UGGT1: variants seen among roughly 807,000 people sequenced by gnomAD.
The protein encoded by UGGT1 is UDP-glucose:glycoprotein glucosyltransferase 1.
In UGGT1, 107 loss-of-function variants were observed where a neutral mutation model predicts 203.9. That is an observed-to-expected ratio of 0.52 (90% CI 0.45 to 0.62). The LOEUF (loss-of-function observed/expected upper bound fraction) is 0.62, where lower values mean the gene tolerates loss of function less well. Among genes scored for constraint, UGGT1 ranks in the 20% least tolerant of loss-of-function variants. UGGT1 has a pLI of 0.00. For synonymous variants in UGGT1, 628 were observed against 653.5 expected (o/e 0.96, Z 0.59); for missense variants, 1,673 against 1,867.2 (o/e 0.90, Z 1.92).
At chr2:128,146,997 C>G (rs779701136) in intron 18 of UGGT1, among the ~76,000 whole-genome samples, 1 of 152,134 alleles carries the variant, frequency 6.6e-6, no homozygotes, top group Non-Finnish European at 1.5e-5. Context: ...TGCATCAACC[C>G]GTAGTATAAA....
chr2:128,096,547 A>G (rs763045656), intron 1 of UGGT1, among the ~76,000 whole-genome samples: 2 of 152,102 alleles, frequency 1.3e-5, no homozygotes, highest in Non-Finnish European at 2.9e-5. Context: ...CTGTGTCTCT[A>G]CATAGTTTTC....
At position 128,190,411 on chromosome 2, in the gene UGGT1, G is replaced by A. The variant is rs1287079924; in HGVS notation, c.*669G>A. On this transcript the variant is annotated 3_prime_UTR_variant, in exon 41 of 41. Transcript: ENST00000259253. ...AAATGTCAGGAGTAGGAAGGTTCGG[G>A]GGTTAAGGGAAGGGAAGGAAGACCA... The A allele has an allele frequency of 6.6e-6, 1 of 152,118 alleles. No homozygotes were observed. Among genetic ancestry groups the A allele is most frequent in the African/African-American group, 2.4e-5 (1 of 41,418 alleles). 9.4% of individuals were successfully genotyped at this position (152,118 alleles called of 1,614,324 possible).
intron 17 of UGGT1, among the ~76,000 whole-genome samples, chr2:128,144,481 T>C (rs577562299): frequency 6.6e-6 from 1 of 152,354 alleles, no homozygotes; most frequent in South Asian, 2.1e-4. Context: ...GGAATTATAA[T>C]GTAAGTTTTC....
At chr2:128,113,390 TTTCA>T (rs1395540827) in intron 6 of UGGT1, 132 bp downstream of exon 6, 1 of 699,562 alleles carries the variant, frequency 1.4e-6, no homozygotes, top group African/African-American at 1.8e-5. Context: ...AATCCAGTAG[TTTCA>T]TTGAGTCTAT....
chr2:128,091,294 C>A lies in UGGT1; in HGVS notation c.-64C>A, dbSNP rs1392525863. The A allele has an allele frequency of 6.8e-7, 1 of 1,466,224 alleles. No homozygotes were observed. The highest frequency in any genetic ancestry group is 9.1e-7 in the Non-Finnish European group (1 of 1,103,242). 90.8% of individuals were successfully genotyped at this position (1,466,224 alleles called of 1,614,324 possible). ...CTGGCGCAGCCTGCACTGCCGCTGC[C>A]GCCTCGCCCCGCCCTGCCCTGGCGT... is the stretch of plus-strand genomic sequence containing the variant. On this transcript the variant is annotated 5_prime_UTR_variant, in exon 1 of 41. Coordinates refer to ENST00000259253, the MANE Select transcript of UGGT1 (RefSeq NM_020120.4).
At chr2:128,116,202 A>C in intron 7 of UGGT1, 63 bp from the exon 8 acceptor site, 1 of 1,019,598 alleles carries the variant, frequency 9.8e-7, no homozygotes, top group Non-Finnish European at 1.5e-6. Flanking sequence ...TTATGAGACT[A>C]GTAACGTTTT....
intron 9 of UGGT1, 49 bp downstream of exon 9, chr2:128,120,505 A>C: frequency 6.6e-7 from 1 of 1,510,860 alleles, no homozygotes; most frequent in South Asian, 1.2e-5. Flanking sequence ...GCTAAGTTTT[A>C]TGGCTTTAAA....
At chr2:128,143,250 A>G (rs774048159) in intron 17 of UGGT1, 25 bp downstream of exon 17, 7 of 1,611,026 alleles carry the variant, frequency 4.3e-6, no homozygotes, top group Non-Finnish European at 5.9e-6. Context: ...TGTGTTTCTT[A>G]TTTGATTGCA....
At chr2:128,120,842 T>G (rs1688345881) in intron 9 of UGGT1, among the ~76,000 whole-genome samples, 1 of 152,206 alleles carries the variant, frequency 6.6e-6, no homozygotes, top group African/African-American at 2.4e-5. Context: ...ATTTTTCAAG[T>G]TTTTTTCCCC....
rs1014405618 is a variant in UGGT1, at chr2:128,091,681, C to T, written c.58+266C>T. ...GAGCTTTAGATCCTTGTGCCAAGTG[C>T]AGAAGGAAATGGGGGAGGTATCCTA... On this transcript the variant is annotated intron_variant, in intron 1 of 40. Coordinates refer to ENST00000259253, the MANE Select transcript of UGGT1 (RefSeq NM_020120.4). 3.7e-6 allele frequency: 4 copies of T among 1,091,560 alleles called. No homozygotes were observed. In the African/African-American group the frequency reaches 6.6e-5, roughly 18 times the overall value. 67.6% of individuals were successfully genotyped at this position (1,091,560 alleles called of 1,614,324 possible). A position where few individuals can be genotyped will look rare whatever the true frequency, so the allele number is the denominator to read the frequency against.
At position 128,178,538 on chromosome 2, in the gene UGGT1, G is replaced by A. The variant is rs1691515999; in HGVS notation, c.3784G>A (p.Ala1262Thr). The change falls in exon 34 of 41, where the codon GCA becomes ACA. Residue 1262 changes from alanine (A) to threonine (T), a missense_variant. Coordinates refer to ENST00000259253, the MANE Select transcript of UGGT1 (RefSeq NM_020120.4). ...TGACATAATTAATATTTTCTCCGTT[G>A]CATCTGGTCATCTCTACGAAAGATT... is the stretch of plus-strand genomic sequence containing the variant. ...KDDIINIFSVASGHLYERFLR... is the reference protein window; with the variant it reads ...KDDIINIFSVTSGHLYERFLR... 6.2e-7 allele frequency: 1 copy of A among 1,613,416 alleles called. No individual in the cohort carries two copies. Among genetic ancestry groups the A allele is most frequent in the African/African-American group, 1.3e-5 (1 of 74,908 alleles).
intron 26 of UGGT1, among the ~76,000 whole-genome samples, chr2:128,165,949 A>T (rs892245768): frequency 6.6e-6 from 1 of 152,020 alleles, no homozygotes; most frequent in African/African-American, 2.4e-5. Flanking sequence ...TTTTATAGAG[A>T]TGGGGTCTCA....
intron 8 of UGGT1, among the ~76,000 whole-genome samples, chr2:128,118,221 G>A (rs1427052210): frequency 6.6e-6 from 1 of 152,066 alleles, no homozygotes; most frequent in Non-Finnish European, 1.5e-5. Context: ...TTGTTAGAAT[G>A]TAATCATATT....
At chr2:128,132,413 T>C (rs1490989859) in intron 13 of UGGT1, among the ~76,000 whole-genome samples, 1 of 152,040 alleles carries the variant, frequency 6.6e-6, no homozygotes, top group Non-Finnish European at 1.5e-5. Context: ...CTGGGCGTGT[T>C]GGTGGGTGCC....
At position 128,191,494 on chromosome 2, in the gene UGGT1, C is replaced by G. The variant is rs1405605039; in HGVS notation, c.*1752C>G. 1 of 133,248 alleles carries G rather than the reference C, an allele frequency of 7.5e-6. No homozygotes were observed. Among genetic ancestry groups the G allele is most frequent in the Non-Finnish European group, 1.7e-5 (1 of 60,578 alleles). The allele number at this position is 133,248 out of a possible 1,614,324, so 8.3% of individuals were successfully genotyped here. A position where few individuals can be genotyped will look rare whatever the true frequency, so the allele number is the denominator to read the frequency against. On this transcript the variant is annotated 3_prime_UTR_variant, in exon 41 of 41. Coordinates refer to ENST00000259253, the MANE Select transcript of UGGT1 (RefSeq NM_020120.4). ...TCAGAATGGCTGCTGTGGGCAGAGTCTGTGACATGACTTTCCCCGCCCTGC... is the reference window on the plus strand; with the variant it reads ...TCAGAATGGCTGCTGTGGGCAGAGTGTGTGACATGACTTTCCCCGCCCTGC...
At chr2:128,140,907 C>T (rs985322376) in intron 16 of UGGT1, among the ~76,000 whole-genome samples, 2 of 152,026 alleles carry the variant, frequency 1.3e-5, no homozygotes, top group African/African-American at 2.4e-5. Context: ...AGGCTGGTCT[C>T]GAACTACTGA....
At chr2:128,157,227 A>G (rs772794018) in intron 21 of UGGT1, 25 bp from the exon 22 acceptor site, 3 of 1,547,254 alleles carry the variant, frequency 1.9e-6, no homozygotes, top group South Asian at 2.2e-5. Flanking sequence ...CTCTGACTCA[A>G]TTAGCTGTTT....
rs4662775 is a variant in UGGT1 at position 128,113,234 on chromosome 2, T to C, written c.672T>C (p.Asn224=). The part of the protein sequence containing the change: ...LISKSNAGKI[N]YVFRHYIFNP... ...CAAAAAGCAATGCAGGCAAAATCAA[T>C]TATGTATTCAGACATTATATATTTG... The change falls in exon 6 of 41, where the codon AAT becomes AAC. Residue 224 remains asparagine, a synonymous_variant. Coordinates refer to ENST00000259253, the MANE Select transcript of UGGT1 (RefSeq NM_020120.4). 1,530,267 of 1,611,152 alleles carry C rather than the reference T, an allele frequency of 0.95. 730,563 individuals are homozygous for C. The highest frequency in any genetic ancestry group is 0.98 in the Non-Finnish European group (1,151,727 of 1,178,782).
chr2:128,126,257 T>G (rs894344068), intron 11 of UGGT1, among the ~76,000 whole-genome samples: 12 of 151,910 alleles, frequency 7.9e-5, no homozygotes, highest in Non-Finnish European at 1.6e-4. Context: ...GTATTTTTTT[T>G]TTGAGACAGA....
Sources: gnomAD v4.1 joint callset for allele counts (sites outside exome capture counted in the v4.1 genomes callset) on GRCh38, gnomAD v4.1.1 for gene constraint, MANE v1.5 for transcripts, NCBI Gene and HGNC (gene_info 2026-07-23, HGNC 2026-07-21) for gene names.